MAML2: variants seen among roughly 807,000 people sequenced by gnomAD.
The protein encoded by MAML2 is mastermind-like protein 2.
A neutral mutation model predicts 96.1 loss-of-function variants in MAML2; 22 were observed. The ratio of observed to expected loss-of-function variants is 0.23; its 90% CI spans 0.16 to 0.33. MAML2 has a LOEUF of 0.33. Among genes scored for constraint, MAML2 ranks in the 10% least tolerant of loss-of-function variants. The pLI is 1.00. For missense variants in MAML2, 1,367 were observed against 1,392.4 expected (o/e 0.98, Z 0.29); for synonymous variants, 561 against 521.3 (o/e 1.08, Z -1.04).
chr11:96,276,813 A>AC (rs1270454707), intron 1 of MAML2, among the ~76,000 whole-genome samples: 1 of 91,636 alleles, frequency 1.1e-5, no homozygotes, highest in African/African-American at 5.5e-5. Flanking sequence ...AGCTTCTCAG[A>AC]CCCAAAAAAA....
intron 1 of MAML2, among the ~76,000 whole-genome samples, chr11:96,263,004 A>G (rs1158654540): frequency 1.3e-5 from 2 of 152,320 alleles, no homozygotes; most frequent in East Asian, 1.9e-4. Context: ...CTAATAGTAA[A>G]CTGCTTCCCC....
intron 2 of MAML2, among the ~76,000 whole-genome samples, chr11:96,027,572 C>T (rs1858545798): frequency 6.6e-6 from 1 of 152,072 alleles, no homozygotes; most frequent in African/African-American, 2.4e-5. Flanking sequence ...AGTGGGACCA[C>T]AGAGGAAAGA....
At chr11:95,999,498 G>A (rs867143203) in intron 2 of MAML2, among the ~76,000 whole-genome samples, 1 of 151,112 alleles carries the variant, frequency 6.6e-6, no homozygotes, top group Non-Finnish European at 1.5e-5. Flanking sequence ...AGTTAAAGCA[G>A]TTTTGTGGGC....
intron 1 of MAML2, among the ~76,000 whole-genome samples, chr11:96,225,584 C>A (rs1367929917): frequency 1.3e-5 from 2 of 152,152 alleles, no homozygotes; most frequent in South Asian, 2.1e-4. Flanking sequence ...GTAATCCCAG[C>A]ACTTTGGGAG....
intron 1 of MAML2, among the ~76,000 whole-genome samples, chr11:96,126,331 G>A (rs1591028373): frequency 6.6e-6 from 1 of 152,346 alleles, no homozygotes; most frequent in African/African-American, 2.4e-5. Context: ...GCTGAGGCGG[G>A]TGGATCACCT....
At chr11:96,333,794 C>T (rs1287725475) in intron 1 of MAML2, among the ~76,000 whole-genome samples, 1 of 152,104 alleles carries the variant, frequency 6.6e-6, no homozygotes, top group East Asian at 1.9e-4. Flanking sequence ...GGCTCTAGGA[C>T]CAAATTCACT....
In MAML2 at chr11:96,342,528, G is replaced by T. The variant is rs1354472080; in HGVS notation, c.-633C>A. On this transcript the variant is annotated 5_prime_UTR_variant, in exon 1 of 5. Coordinates refer to ENST00000524717, the MANE Select transcript of MAML2 (RefSeq NM_032427.4). ...TGTTCAAAATGTGCAAAAATCAAGGGAGACTGTCTTTTGGCTTTTAATTTT... is the reference window on the plus strand; with the variant it reads ...TGTTCAAAATGTGCAAAAATCAAGGTAGACTGTCTTTTGGCTTTTAATTTT... The T allele has an allele frequency of 5.0e-6, 2 of 397,948 alleles. No homozygotes were observed. Among genetic ancestry groups the T allele is most frequent in the Non-Finnish European group, 8.9e-6 (2 of 225,892 alleles). The allele number at this position is 397,948 out of a possible 1,614,324, so 24.7% of individuals were successfully genotyped here.
At chr11:96,082,347 G>A (rs1235437623) in intron 2 of MAML2, among the ~76,000 whole-genome samples, 1 of 152,156 alleles carries the variant, frequency 6.6e-6, no homozygotes, top group Admixed American at 6.5e-5. Flanking sequence ...ATACTGAAAG[G>A]TTTGCACTGT....
intron 1 of MAML2, among the ~76,000 whole-genome samples, chr11:96,253,037 G>A (rs963602127): frequency 2.0e-5 from 3 of 152,092 alleles, no homozygotes; most frequent in Non-Finnish European, 4.4e-5. Context: ...AAGTCAAGTG[G>A]CATGCCTTAA....
intron 2 of MAML2, among the ~76,000 whole-genome samples, chr11:95,994,316 A>G (rs1426648587): frequency 6.6e-6 from 1 of 152,088 alleles, no homozygotes; most frequent in Non-Finnish European, 1.5e-5. Flanking sequence ...CCTCTAATAT[A>G]TTTACACCCC....
intron 1 of MAML2, among the ~76,000 whole-genome samples, chr11:96,177,285 T>C (rs1341825073): frequency 6.6e-6 from 1 of 152,132 alleles, no homozygotes; most frequent in Non-Finnish European, 1.5e-5. Context: ...ATGGGAAAAA[T>C]ATGTTCTAAT....
chr11:96,207,879 C>T (rs778779766), intron 1 of MAML2, among the ~76,000 whole-genome samples: 5 of 152,208 alleles, frequency 3.3e-5, no homozygotes, highest in Non-Finnish European at 7.3e-5. Context: ...AGATGCCTCT[C>T]TGTTACAGAG....
At chr11:96,058,871 A>G (rs1859110293) in intron 2 of MAML2, among the ~76,000 whole-genome samples, 1 of 152,114 alleles carries the variant, frequency 6.6e-6, no homozygotes, top group Non-Finnish European at 1.5e-5. Flanking sequence ...ATCTTATTTT[A>G]AAGGAGGAAC....
At chr11:96,306,773 G>A (rs1863469357) in intron 1 of MAML2, among the ~76,000 whole-genome samples, 3 of 152,254 alleles carry the variant, frequency 2.0e-5, no homozygotes, top group Non-Finnish European at 1.5e-5. Context: ...TTTGCGGGTG[G>A]AGTGGTTACT....
At chr11:96,079,683 G>A (rs1859501768) in intron 2 of MAML2, among the ~76,000 whole-genome samples, 1 of 152,182 alleles carries the variant, frequency 6.6e-6, no homozygotes, top group Non-Finnish European at 1.5e-5. Context: ...CACCTAGGAA[G>A]CTTCTAACAC....
At chr11:96,321,274 A>G (rs1426409982) in intron 1 of MAML2, among the ~76,000 whole-genome samples, 3 of 152,256 alleles carry the variant, frequency 2.0e-5, no homozygotes, top group South Asian at 2.1e-4. Flanking sequence ...GTGCTGGAAT[A>G]TAAGAATTTG....
chr11:96,207,155 T>C (rs1861906971), intron 1 of MAML2, among the ~76,000 whole-genome samples: 1 of 152,234 alleles, frequency 6.6e-6, no homozygotes, highest in Non-Finnish European at 1.5e-5. Context: ...GACTTCTCTA[T>C]TGTAATCTGG....
At chr11:96,003,250 A>G (rs896067228) in intron 2 of MAML2, among the ~76,000 whole-genome samples, 2 of 152,092 alleles carry the variant, frequency 1.3e-5, no homozygotes, top group Non-Finnish European at 2.9e-5. Flanking sequence ...AGGCAGGGAG[A>G]AGGCACACTG....
intron 2 of MAML2, among the ~76,000 whole-genome samples, chr11:96,059,463 T>G (rs767904877): frequency 2.6e-5 from 4 of 152,180 alleles, no homozygotes; most frequent in Non-Finnish European, 4.4e-5. Context: ...TTATGATAAA[T>G]TGTAAGGTTG....
Sources: gnomAD v4.1 joint callset for allele counts (sites outside exome capture counted in the v4.1 genomes callset) on GRCh38, gnomAD v4.1.1 for gene constraint, MANE v1.5 for transcripts, NCBI Gene and HGNC (gene_info 2026-07-23, HGNC 2026-07-21) for gene names.